ANXA11: variants seen among roughly 807,000 people sequenced by gnomAD.
The protein encoded by ANXA11 is 56 kDa autoantigen.
ANXA11 carries 57 observed loss-of-function variants against 64.7 expected under a neutral mutation model. That is an observed-to-expected ratio of 0.88 (90% CI 0.71 to 1.10). The LOEUF (loss-of-function observed/expected upper bound fraction) is 1.10. Ranked by LOEUF, ANXA11 falls within the 50% of genes least tolerant of loss-of-function variation. The probability of loss-of-function intolerance (pLI) is 0.00; values close to 1 mark genes in which losing one functional copy is unlikely to be tolerated. For synonymous variants in ANXA11, 260 were observed against 265.2 expected (o/e 0.98, Z 0.19); for missense variants, 675 against 670.7 (o/e 1.01, Z -0.07).
At chr10:80,188,511 A>ATATATATATATATATATATATAG (rs1554834982) in intron 1 of ANXA11, among the ~76,000 whole-genome samples, 1 of 126,504 alleles carries the variant, frequency 7.9e-6, no homozygotes, top group African/African-American at 3.0e-5. Flanking sequence ...ATATATATAT[A>ATATATATATATATATATATATAG]GCACTACAAC....
At chr10:80,195,146 C>G (rs538667043) in intron 1 of ANXA11, among the ~76,000 whole-genome samples, 1 of 152,318 alleles carries the variant, frequency 6.6e-6, no homozygotes, top group African/African-American at 2.4e-5. Flanking sequence ...GGGGCCTGTT[C>G]AAACCACTCT....
intron 1 of ANXA11, among the ~76,000 whole-genome samples, 160 bp from the exon 2 acceptor site, chr10:80,176,315 G>A (rs1404558991): frequency 2.6e-5 from 4 of 152,190 alleles, no homozygotes; most frequent in Non-Finnish European, 5.9e-5. Context: ...ATGGAAAGAT[G>A]CAATGACCAC....
At chr10:80,165,694 T>C (rs929973518) in intron 8 of ANXA11, among the ~76,000 whole-genome samples, 57 of 152,286 alleles carry the variant, frequency 3.7e-4, no homozygotes, top group African/African-American at 1.3e-3. Context: ...TAAACCGAAG[T>C]GTGTTTCTGT....
At chr10:80,156,628 C>T (rs1237522784) in intron 15 of ANXA11, 2 of 347,964 alleles carry the variant, frequency 5.7e-6, no homozygotes, top group African/African-American at 2.2e-5. Context: ...ATTCTCCTGC[C>T]GCAGCCTACC....
rs1341184446 is a variant in ANXA11 at position 80,190,641 on chromosome 10, G to T, written c.-57-14486C>A. On this transcript the variant is annotated intron_variant, in intron 1 of 15. Transcript: ENST00000422982. ...GCTGGGATCACAGGCGCCCGCCACC[G>T]CGCCCAGCTAGTTTTTTGTATTTTT... 1.3e-4 allele frequency among the ~76,000 whole-genome samples: 19 copies of T among 151,280 alleles called. No homozygotes were observed. The South Asian group carries it at 3.5e-3, about 28-fold the overall frequency.
intron 1 of ANXA11, among the ~76,000 whole-genome samples, chr10:80,185,156 C>T (rs1031018433): frequency 2.6e-5 from 4 of 152,332 alleles, no homozygotes; most frequent in African/African-American, 9.6e-5. Flanking sequence ...TGGTGCATGA[C>T]AGTCAACTGA....
rs1270154939 is a variant in ANXA11 at position 80,168,980 on chromosome 10, G to A, written c.550C>T (p.Pro184Ser). The A allele has an allele frequency of 6.5e-7, 1 of 1,534,336 alleles. No homozygotes were observed. Among genetic ancestry groups the A allele is most frequent in the Non-Finnish European group, 8.7e-7 (1 of 1,146,778 alleles). The change falls in exon 5 of 16, where the codon CCC becomes TCC. Residue 184 changes from proline (P) to serine (S), a missense_variant. Pro to Ser is a moderately conservative substitution (Grantham distance 74). Coordinates refer to ENST00000422982, the MANE Select transcript of ANXA11 (RefSeq NM_145868.2). ...GGGCTGACACTCACCTGGGTTGGGG[G>A]CACAGCGGGGGTGACAGTCCCAGAC... Reference protein sequence around the residue: ...PGSGTVTPAVPPTQFGSRGTI... With the variant: ...PGSGTVTPAVSPTQFGSRGTI...
At chr10:80,196,554 T>C (rs1589453363) in intron 1 of ANXA11, among the ~76,000 whole-genome samples, 2 of 152,014 alleles carry the variant, frequency 1.3e-5, no homozygotes, top group African/African-American at 4.8e-5. Flanking sequence ...GGCAGGACCT[T>C]AAGTGATGTG....
intron 1 of ANXA11, among the ~76,000 whole-genome samples, chr10:80,198,976 C>T: frequency 6.6e-6 from 1 of 152,148 alleles, no homozygotes; most frequent in Non-Finnish European, 1.5e-5. Context: ...AGACAGAAAC[C>T]ATGCAATTAG....
intron 1 of ANXA11, among the ~76,000 whole-genome samples, chr10:80,179,230 G>A (rs1846274642): frequency 6.6e-6 from 1 of 152,096 alleles, no homozygotes; most frequent in African/African-American, 2.4e-5. Flanking sequence ...GCTCCAGCCA[G>A]GTTAAGATCT....
At chr10:80,194,735 C>T (rs1365852225) in intron 1 of ANXA11, among the ~76,000 whole-genome samples, 1 of 152,074 alleles carries the variant, frequency 6.6e-6, no homozygotes, top group South Asian at 2.1e-4. Flanking sequence ...TTTTGGAGCT[C>T]AATAGCATTA....
intron 2 of ANXA11, 90 bp from the exon 3 acceptor site, chr10:80,172,959 CA>C: frequency 9.0e-7 from 1 of 1,111,668 alleles, no homozygotes; most frequent in Non-Finnish European, 1.4e-6. Context: ...CAGCCACCAC[CA>C]CAACTGGGAC....
intron 1 of ANXA11, among the ~76,000 whole-genome samples, chr10:80,183,052 G>A (rs917708682): frequency 2.0e-5 from 3 of 152,154 alleles, no homozygotes; most frequent in African/African-American, 7.2e-5. Context: ...GCCCCTCCTG[G>A]CATGGGCTGG....
chr10:80,168,424 G>A (rs988993812), intron 5 of ANXA11, among the ~76,000 whole-genome samples: 4 of 152,138 alleles, frequency 2.6e-5, no homozygotes, highest in East Asian at 1.9e-4. Context: ...GATGTGGAGC[G>A]TCTCATCACA....
At chr10:80,165,978 A>G (rs1165697107) in intron 8 of ANXA11, 106 bp downstream of exon 8, 2 of 674,532 alleles carry the variant, frequency 3.0e-6, no homozygotes, top group Admixed American at 5.4e-5. Flanking sequence ...AGAACACAGC[A>G]CGCCATCCAG....
intron 1 of ANXA11, among the ~76,000 whole-genome samples, chr10:80,198,879 G>T (rs1027199218): frequency 6.6e-6 from 1 of 152,154 alleles, no homozygotes; most frequent in Non-Finnish European, 1.5e-5. Context: ...GGAAAGGAAT[G>T]CATGCAAGTA....
chr10:80,168,935 C>T (rs372962681), intron 5 of ANXA11, 34 bp downstream of exon 5: 477 of 1,491,048 alleles, frequency 3.2e-4, no homozygotes, highest in South Asian at 1.5e-3. Context: ...GGGGCCCAGG[C>T]CTGGACCAAG....
chr10:80,162,683 G>T (rs1257889690), intron 11 of ANXA11, among the ~76,000 whole-genome samples: 1 of 152,234 alleles, frequency 6.6e-6, no homozygotes, highest in Non-Finnish European at 1.5e-5. Context: ...CAATCCCGCA[G>T]ATGGTAGAGA....
rs1471624020 is a variant in ANXA11, at chr10:80,163,343, A to G, written c.1086+6T>C. ...GGAAGTCCAGGGGCTTGGCCATCAC[A>G]CTCACCTGGGCATCTCTCTGGGCGA... On this transcript the variant is annotated splice_donor_region_variant and intron_variant, in intron 11 of 15. Transcript: ENST00000422982. The G allele has an allele frequency of 6.2e-7, 1 of 1,612,712 alleles. No individual in the cohort carries two copies. The highest frequency in any genetic ancestry group is 1.3e-5 in the African/African-American group (1 of 74,810).
Sources: gnomAD v4.1 joint callset for allele counts (sites outside exome capture counted in the v4.1 genomes callset) on GRCh38, gnomAD v4.1.1 for gene constraint, MANE v1.5 for transcripts, NCBI Gene and HGNC (gene_info 2026-07-23, HGNC 2026-07-21) for gene names.